Variants in MYO9A observed in about 807,000 individuals in gnomAD.
The protein encoded by MYO9A is myosin IXA.
Under a neutral mutation model 293.3 loss-of-function variants are expected in MYO9A, and 103 were observed. The ratio of observed to expected loss-of-function variants is 0.35; its 90% CI spans 0.30 to 0.41. The LOEUF is 0.41. Ranked by LOEUF, MYO9A falls within the 10% of genes least tolerant of loss-of-function variation. MYO9A has a pLI of 1.00. For synonymous variants in MYO9A, 1,001 were observed against 1,035.7 expected, an observed-to-expected ratio of 0.97 and a Z score of 0.64; for missense variants, 2,685 against 3,033.0, an observed-to-expected ratio of 0.89 and a Z score of 2.69.
intron 6 of MYO9A, among the ~76,000 whole-genome samples, chr15:72,012,044 G>C (rs943339919): frequency 1.3e-5 from 2 of 152,214 alleles, no homozygotes; most frequent in Admixed American, 1.3e-4. Context: ...TATTTACCAT[G>C]TACAAGAAAA....
At chr15:71,876,546 C>T (rs1467720008) in intron 31 of MYO9A, among the ~76,000 whole-genome samples, 1 of 149,510 alleles carries the variant, frequency 6.7e-6, no homozygotes, top group East Asian at 2.0e-4. Flanking sequence ...AGCAATTCTC[C>T]TGTCTCAGCC....
rs150675598 is a variant in MYO9A, at chr15:72,013,712, T to C, written c.1156-3265A>G. Among the ~76,000 whole-genome samples, 100 of 152,320 alleles carry C rather than the reference T, an allele frequency of 6.6e-4. 1 individual carries two copies. In the East Asian group the frequency reaches 0.018, roughly 27 times the overall value. ...GCATGGAGTAGGCAATTAGTGTGGG[T>C]GTGAGGGAGAGAAAGAGAAGAGTCA... On this transcript the variant is annotated intron_variant, in intron 6 of 41. Transcript: ENST00000356056.
At position 71,899,681 on chromosome 15, in the gene MYO9A, G is replaced by C. The variant is rs1206021548; in HGVS notation, c.3470+6C>G. 1.2e-6 allele frequency: 2 copies of C among 1,603,838 alleles called. No homozygotes were observed. The highest frequency in any genetic ancestry group is 2.7e-5 in the African/African-American group (2 of 74,318). Reference sequence around the variant, plus strand: ...AAAAAGCAATTATTATAGTAATAGAGATTACCTTTGTCTTGCTCTGAATCC... The same window carrying C: ...AAAAAGCAATTATTATAGTAATAGACATTACCTTTGTCTTGCTCTGAATCC... On this transcript the variant is annotated splice_donor_region_variant and intron_variant, in intron 24 of 41. Coordinates refer to ENST00000356056, the MANE Select transcript of MYO9A (RefSeq NM_006901.4).
At chr15:71,917,868 T>C (rs1033353302) in intron 18 of MYO9A, among the ~76,000 whole-genome samples, 14 of 152,046 alleles carry the variant, frequency 9.2e-5, no homozygotes, top group Admixed American at 3.3e-4. Flanking sequence ...TTTGACAATA[T>C]AAACATTAAT....
At chr15:71,862,904 G>C (rs543582008) in intron 32 of MYO9A, among the ~76,000 whole-genome samples, 43 of 149,372 alleles carry the variant, frequency 2.9e-4, no homozygotes, top group Middle Eastern at 6.9e-3. Context: ...AGTTCTCAAA[G>C]TATGTTTTCT....
chr15:72,046,126 T>C lies in MYO9A; in HGVS notation c.438A>G (p.Lys146=). 6.2e-7 allele frequency: 1 copy of C among 1,614,170 alleles called. No individual in the cohort carries two copies. Residue 146 remains lysine (K), a synonymous_variant, in exon 2 of 42, where the codon AAA becomes AAG. Transcript: ENST00000356056. ...ERGFLPQPQQ[K]DFDDLCSLPD... ...GTAAACTACATAAATCATCAAAGTC[T>C]TTCTGTTGAGGCTGTGGAAGAAAAC...
intron 11 of MYO9A, among the ~76,000 whole-genome samples, chr15:71,986,975 G>A (rs930203605): frequency 1.3e-5 from 2 of 152,110 alleles, no homozygotes; most frequent in Non-Finnish European, 2.9e-5. Context: ...CTAATCATGG[G>A]AGGTGCCCTA....
intron 13 of MYO9A, among the ~76,000 whole-genome samples, chr15:71,964,677 C>T (rs1416753541): frequency 2.0e-5 from 3 of 150,984 alleles, no homozygotes; most frequent in Non-Finnish European, 4.4e-5. Flanking sequence ...GTCCCAGCTA[C>T]TCAGGAGGCT....
At chr15:72,057,167 G>A (rs2078745782) in intron 1 of MYO9A, among the ~76,000 whole-genome samples, 1 of 151,960 alleles carries the variant, frequency 6.6e-6, no homozygotes, top group Non-Finnish European at 1.5e-5. Flanking sequence ...AGCTATTTGG[G>A]AGGCTGAGGC....
chr15:71,962,581 T>C (rs1215788170), intron 13 of MYO9A, among the ~76,000 whole-genome samples: 1 of 152,208 alleles, frequency 6.6e-6, no homozygotes, highest in Non-Finnish European at 1.5e-5. Flanking sequence ...TAACTACTGA[T>C]GGCAGACAAG....
chr15:72,089,610 T>C (rs934251262), intron 1 of MYO9A, among the ~76,000 whole-genome samples: 1 of 152,004 alleles, frequency 6.6e-6, no homozygotes, highest in African/African-American at 2.4e-5. Flanking sequence ...TGAGACTTCG[T>C]CTCTACAAAA....
chr15:71,899,961 C>G lies in MYO9A; in HGVS notation c.3196G>C (p.Ala1066Pro). ...ATAACAAAAGCATCCTTCTGCACAG[C>G]TGCATCTCTGACTTGCTTCTGATTT... ...YLNQKQVRDA[A>P]VQKDAFVMAS... The change falls in exon 24 of 42, where the codon GCT becomes CCT. Residue 1066 changes from alanine to proline, a missense_variant. By Grantham distance (27) the Ala-to-Pro change is conservative (BLOSUM62 -1). Transcript: ENST00000356056. 1 of 1,613,342 alleles carries G rather than the reference C, an allele frequency of 6.2e-7. No homozygotes were observed. Among genetic ancestry groups the G allele is most frequent in the South Asian group, 1.1e-5 (1 of 91,050 alleles).
At chr15:72,107,779 T>G (rs944261699) in intron 1 of MYO9A, among the ~76,000 whole-genome samples, 3 of 119,632 alleles carry the variant, frequency 2.5e-5, no homozygotes, top group African/African-American at 9.8e-5. Context: ...ACTGTCCTTA[T>G]TTGAGACAAT....
intron 26 of MYO9A, among the ~76,000 whole-genome samples, chr15:71,889,236 C>A (rs925650231): frequency 6.6e-5 from 10 of 152,146 alleles, no homozygotes; most frequent in African/African-American, 2.2e-4. Flanking sequence ...TATGAGAAAA[C>A]AATCCAAGAC....
rs1409610079 is a variant in MYO9A, at chr15:71,826,565, C to T, written c.*15G>A. ...TTACCACTCTGTAGCCACGGAGGGA[C>T]ACACATCTGCCGGTTCAGACCATAA... On this transcript the variant is annotated 3_prime_UTR_variant, in exon 42 of 42. Coordinates refer to ENST00000356056, the MANE Select transcript of MYO9A (RefSeq NM_006901.4). 2 of 1,561,692 alleles carry T rather than the reference C, an allele frequency of 1.3e-6. No homozygotes were observed. Among genetic ancestry groups the T allele is most frequent in the South Asian group, 1.2e-5 (1 of 80,720 alleles).
At chr15:72,032,776 A>G (rs544929178) in intron 2 of MYO9A, among the ~76,000 whole-genome samples, 188 bp from the exon 3 acceptor site, 1 of 152,286 alleles carries the variant, frequency 6.6e-6, no homozygotes, top group Admixed American at 6.5e-5. Context: ...AAAGCAATTA[A>G]CAACTGAAAG....
intron 12 of MYO9A, among the ~76,000 whole-genome samples, chr15:71,974,103 AAAACAAAC>A (rs371298200): frequency 6.6e-6 from 1 of 152,084 alleles, no homozygotes; most frequent in Non-Finnish European, 1.5e-5. Context: ...TGCCATTTAA[AAAACAAAC>A]AAACAAACAA....
Position 71,902,970 on chromosome 15 carries a change from G to A in MYO9A, c.2971C>T (p.Pro991Ser), listed in dbSNP as rs376629793. 1.0e-5 allele frequency: 16 copies of A among 1,585,706 alleles called. No homozygotes were observed. The highest frequency in any genetic ancestry group is 1.4e-5 in the Non-Finnish European group (16 of 1,157,130). The stretch of plus-strand genomic sequence containing the variant: ...GTTTTTCCAACTTGATAATTATCTG[G>A]ATTAAGATTTATTTTCCTGAAGAAA... ...QDFFRKINLN[P>S]DNYQVGKTMV... The change falls in exon 22 of 42, where the codon CCA (proline) becomes TCA (serine). Residue 991 changes from proline to serine, a missense_variant. Pro to Ser is a moderately conservative substitution (Grantham distance 74). This residue lies in a region of MYO9A where 1,434 missense variants were observed against 1,497.7 expected (regional missense o/e 0.96). Transcript: ENST00000356056.
Position 72,117,671 on chromosome 15 carries a change from G to A in MYO9A, c.-72+9C>T. ...CTGCAGGGCCGCTGGGCGCTTGGGC[G>A]GGTCTTACCTCGGGCTCCGCCGCGG... On this transcript the variant is annotated intron_variant, in intron 1 of 41. Coordinates refer to ENST00000356056, the MANE Select transcript of MYO9A (RefSeq NM_006901.4). 2.5e-6 allele frequency: 1 copy of A among 396,302 alleles called. No individual in the cohort carries two copies. The highest frequency in any genetic ancestry group is 4.4e-6 in the Non-Finnish European group (1 of 224,982). 24.5% of individuals were successfully genotyped at this position (396,302 alleles called of 1,614,324 possible).
Sources: allele counts gnomAD v4.1 joint callset (sites outside exome capture counted in the v4.1 genomes callset), GRCh38; gene constraint gnomAD v4.1.1; regional missense constraint gnomAD v4.1.1; transcripts MANE v1.5; gene names NCBI Gene and HGNC (gene_info 2026-07-23, HGNC 2026-07-21).